Variants in MCF2L2 observed in about 807,000 individuals in gnomAD.
MCF2L2 encodes the protein MCF.2 cell line derived transforming sequence-like 2.
Under a neutral mutation model 150.2 loss-of-function variants are expected in MCF2L2, and 102 were observed. The observed-to-expected ratio is 0.68, with a 90% CI of 0.58 to 0.80. The LOEUF (loss-of-function observed/expected upper bound fraction) is 0.80, where lower values mean the gene tolerates loss of function less well. Ranked by LOEUF, MCF2L2 falls within the 30% of genes least tolerant of loss-of-function variation. The pLI, the probability that MCF2L2 is intolerant of heterozygous loss-of-function variation, is 0.00. For missense variants in MCF2L2, 1,256 were observed against 1,372.8 expected (o/e 0.91, Z 1.34); for synonymous variants, 465 against 491.3 (o/e 0.95, Z 0.71).
In MCF2L2 at chr3:183,283,247, G is replaced by T. The variant is rs1057474550; in HGVS notation, c.1776+5873C>A. Among the ~76,000 whole-genome samples the T allele has an allele frequency of 1.3e-5, 2 of 152,158 alleles. No individual in the cohort carries two copies. The highest frequency in any genetic ancestry group is 1.3e-4 in the Admixed American group (2 of 15,266). On this transcript the variant is annotated intron_variant, in intron 14 of 29. Coordinates refer to ENST00000328913, the MANE Select transcript of MCF2L2 (RefSeq NM_015078.4). The surrounding 1 kb of genome is among the most constrained non-coding windows in gnomAD (Gnocchi z 4.2). ...GTAAGCTCTCACCACTGATGTCTCA[G>T]CTGACTGTGACAACTGCCAGCGGCT...
chr3:183,411,732 T>C (rs1199205348), intron 1 of MCF2L2, among the ~76,000 whole-genome samples: 1 of 152,046 alleles, frequency 6.6e-6, no homozygotes, highest in Non-Finnish European at 1.5e-5. Flanking sequence ...CCAGACTCCC[T>C]GACATCAGAG....
intron 15 of MCF2L2, among the ~76,000 whole-genome samples, chr3:183,231,842 GT>G (rs1723573262): frequency 6.6e-6 from 1 of 152,148 alleles, no homozygotes; most frequent in Admixed American, 6.6e-5. Flanking sequence ...GGCATTGGAT[GT>G]TTCACTGTGA....
chr3:183,227,991 T>G lies in MCF2L2; in HGVS notation c.2115+306A>C. 1 of 195,354 alleles carries G rather than the reference T, an allele frequency of 5.1e-6. No individual in the cohort carries two copies. Among genetic ancestry groups the G allele is most frequent in the Non-Finnish European group, 1.0e-5 (1 of 97,102 alleles). The allele number at this position is 195,354 out of a possible 1,614,324, so 12.1% of individuals were successfully genotyped here. A position where few individuals can be genotyped will look rare whatever the true frequency, so the allele number is the denominator to read the frequency against. On this transcript the variant is annotated intron_variant, in intron 18 of 29. Coordinates refer to ENST00000328913, the MANE Select transcript of MCF2L2 (RefSeq NM_015078.4). The surrounding 1 kb of genome is among the most constrained non-coding windows in gnomAD (Gnocchi z 4.0). ...CCTGGCAACCACCCTTCTACTTCAA[T>G]GAGCTCAACTGTTTTTGGATTATAT... is the stretch of plus-strand genomic sequence containing the variant.
chr3:183,282,380 A>G (rs368704647), intron 14 of MCF2L2, among the ~76,000 whole-genome samples: 118 of 152,166 alleles, frequency 7.8e-4, no homozygotes, highest in Non-Finnish European at 1.2e-3. Flanking sequence ...GGGTTTCACC[A>G]TGTTAGCCAG....
chr3:183,238,106 G>C (rs1374549657), intron 15 of MCF2L2, among the ~76,000 whole-genome samples: 2 of 151,520 alleles, frequency 1.3e-5, no homozygotes, highest in East Asian at 1.9e-4. Flanking sequence ...TTGCTGAGGA[G>C]AGCTTTACTT....
intron 15 of MCF2L2, 162 bp downstream of exon 15, chr3:183,276,710 C>T (rs1727171500): frequency 2.1e-6 from 1 of 471,726 alleles, no homozygotes; most frequent in Non-Finnish European, 3.8e-6. Context: ...TTTGTGGGAT[C>T]CACAAATTTT....
chr3:183,336,864 A>T (rs867214085), intron 5 of MCF2L2, among the ~76,000 whole-genome samples: 281 of 139,452 alleles, frequency 2.0e-3, no homozygotes, highest in Middle Eastern at 7.5e-3. Flanking sequence ...TCAAAAAAAA[A>T]ATATATATAT....
Position 183,300,183 on chromosome 3 carries a change from T to G in MCF2L2, c.1127A>C (p.Lys376Thr). ...CCCAACCAGTGCCAGCAGCTGGGCCTTTTCCAGGGGCTCCTGCAAAGTGAA... is the reference window on the plus strand; with the variant it reads ...CCCAACCAGTGCCAGCAGCTGGGCCGTTTCCAGGGGCTCCTGCAAAGTGAA... ...LEEKSQEPLE[K>T]AQLLALVGDQ... The change falls in exon 11 of 30, where the codon AAG becomes ACG. Residue 376 changes from lysine to threonine, a missense_variant. By Grantham distance (78) the Lys-to-Thr change is moderately conservative. Coordinates refer to ENST00000328913, the MANE Select transcript of MCF2L2 (RefSeq NM_015078.4). The G allele has an allele frequency of 6.3e-7, 1 of 1,598,932 alleles. No homozygotes were observed. The highest frequency in any genetic ancestry group is 1.1e-5 in the South Asian group (1 of 88,658).
At chr3:183,247,379 A>G (rs1014389519) in intron 15 of MCF2L2, among the ~76,000 whole-genome samples, 1 of 152,208 alleles carries the variant, frequency 6.6e-6, no homozygotes, top group Admixed American at 6.5e-5. Flanking sequence ...TGTGGCTGAA[A>G]TCTCAACACT....
At chr3:183,375,399 T>C (rs1369512628) in intron 3 of MCF2L2, 2 of 152,366 alleles carry the variant, frequency 1.3e-5, no homozygotes, top group East Asian at 3.9e-4. Flanking sequence ...AACCCCCTTT[T>C]TTCCTGAAGT....
At chr3:183,210,563 A>C (rs1238387913) in intron 22 of MCF2L2, among the ~76,000 whole-genome samples, 1 of 152,238 alleles carries the variant, frequency 6.6e-6, no homozygotes, top group Non-Finnish European at 1.5e-5. Context: ...AACATGTTTT[A>C]GGTAAAGCTG....
intron 13 of MCF2L2, among the ~76,000 whole-genome samples, chr3:183,294,547 A>ATG (rs1728355913): frequency 7.2e-6 from 1 of 139,644 alleles, no homozygotes; most frequent in South Asian, 2.5e-4. Context: ...ATGTATATAT[A>ATG]TGTATGTGTG....
chr3:183,391,727 A>C (rs1714164303), intron 1 of MCF2L2, among the ~76,000 whole-genome samples: 1 of 152,214 alleles, frequency 6.6e-6, no homozygotes, highest in Admixed American at 6.5e-5. Flanking sequence ...ATTTTCTGTA[A>C]TAAAATGTAA....
At chr3:183,202,870 G>A (rs1172818576) in intron 25 of MCF2L2, among the ~76,000 whole-genome samples, 1 of 152,182 alleles carries the variant, frequency 6.6e-6, no homozygotes. Context: ...AAAGAAATAA[G>A]AAAATGCAGT....
rs770948887 is a variant in MCF2L2 at position 183,283,316 on chromosome 3, C to T, written c.1776+5804G>A. Among the ~76,000 whole-genome samples, 5 of 152,190 alleles carry T rather than the reference C, an allele frequency of 3.3e-5. No homozygotes were observed. Among genetic ancestry groups the T allele is most frequent in the Non-Finnish European group, 7.3e-5 (5 of 68,046 alleles). On this transcript the variant is annotated intron_variant, in intron 14 of 29. Transcript: ENST00000328913. The surrounding 1 kb of genome is among the most constrained non-coding windows in gnomAD (Gnocchi z 4.2). ...CATCTAACCTGCTCTTTACTGTCTA[C>T]CAGAGTCAGCTTCGTAATACACAGG...
In MCF2L2 at chr3:183,270,520, A is replaced by T; in HGVS notation, c.1862+6352T>A. ...AAAAGCAGCAAATACTACGTGTCCT[A>T]TGAAATGTACCAGTGGCCAGCTTAC... On this transcript the variant is annotated intron_variant, in intron 15 of 29. Transcript: ENST00000328913. The surrounding 1 kb of genome is among the most constrained non-coding windows in gnomAD (Gnocchi z 4.5). 6.2e-7 allele frequency: 1 copy of T among 1,614,164 alleles called. No individual in the cohort carries two copies. The highest frequency in any genetic ancestry group is 1.7e-5 in the Admixed American group (1 of 60,034).
intron 15 of MCF2L2, chr3:183,265,855 A>C (rs1726066259): frequency 6.6e-6 from 1 of 152,226 alleles, no homozygotes; most frequent in African/African-American, 2.4e-5. Flanking sequence ...TGGCTAAAAA[A>C]TTCAAACTAC....
chr3:183,269,966 C>T (rs759391014), intron 15 of MCF2L2: 24 of 1,614,002 alleles, frequency 1.5e-5, no homozygotes, highest in Non-Finnish European at 1.9e-5. Flanking sequence ...ATAGCTATGA[C>T]TTTGTGAATG....
At chr3:183,425,059 G>C (rs16857461) in intron 1 of MCF2L2, among the ~76,000 whole-genome samples, 23,049 of 152,088 alleles carry the variant, frequency 0.15, 2,673 homozygotes, top group African/African-American at 0.33. Flanking sequence ...TGTTTGGCTC[G>C]TAGTATACAT....
Sources: gnomAD v4.1 joint callset for allele counts (sites outside exome capture counted in the v4.1 genomes callset) on GRCh38, gnomAD v4.1.1 for gene constraint, Gnocchi (gnomAD v3.1) non-coding constraint, MANE v1.5 for transcripts, NCBI Gene and HGNC (gene_info 2026-07-23, HGNC 2026-07-21) for gene names.